Variants in NCKAP5 observed in about 807,000 individuals in gnomAD.
NCKAP5 encodes nck-associated protein 5.
Under a neutral mutation model 167.0 loss-of-function variants are expected in NCKAP5, and 92 were observed. The observed-to-expected ratio is 0.55, with a 90% CI of 0.47 to 0.66. NCKAP5 has a LOEUF of 0.66. Ranked by LOEUF, NCKAP5 falls within the 30% of genes least tolerant of loss-of-function variation. The probability of loss-of-function intolerance (pLI) is 0.00; values close to 1 mark genes in which losing one functional copy is unlikely to be tolerated. For synonymous variants in NCKAP5, 891 were observed against 877.4 expected (o/e 1.02, Z -0.27); for missense variants, 2,378 against 2,315.0 (o/e 1.03, Z -0.56).
intron 7 of NCKAP5, among the ~76,000 whole-genome samples, chr2:132,979,529 C>T (rs1209911245): frequency 6.6e-6 from 1 of 152,154 alleles, no homozygotes; most frequent in Non-Finnish European, 1.5e-5. Flanking sequence ...GGGAACTCCT[C>T]AGAGCCCCGA....
At chr2:133,098,094 A>G (rs1301817824) in intron 6 of NCKAP5, among the ~76,000 whole-genome samples, 1 of 152,230 alleles carries the variant, frequency 6.6e-6, no homozygotes, top group Non-Finnish European at 1.5e-5. Context: ...ATAAAATTTT[A>G]AGAAAGGCAC....
At chr2:133,577,330 G>A in the NCKAP5 span, among the ~76,000 whole-genome samples, 2 of 152,110 alleles carry the variant, frequency 1.3e-5, no homozygotes, top group South Asian at 2.1e-4. Context: ...TAATACACAT[G>A]AATACAAAAG....
At chr2:133,494,976 C>T (rs1681808099) in intron 3 of NCKAP5, among the ~76,000 whole-genome samples, 1 of 152,134 alleles carries the variant, frequency 6.6e-6, no homozygotes, top group Non-Finnish European at 1.5e-5. Flanking sequence ...TACCTGGAAG[C>T]TTCATCTGCA....
At chr2:133,261,199 A>C (rs1055873483) in intron 4 of NCKAP5, among the ~76,000 whole-genome samples, 4 of 151,924 alleles carry the variant, frequency 2.6e-5, no homozygotes, top group African/African-American at 9.7e-5. Flanking sequence ...GGGGATCAAG[A>C]GATTGTTGAA....
chr2:133,641,695 AG>A, the NCKAP5 span, among the ~76,000 whole-genome samples: 1 of 152,236 alleles, frequency 6.6e-6, no homozygotes. Context: ...TGGTTCATCC[AG>A]TTTAACCAGT....
At chr2:133,654,377 C>CAAATAAATAAATAAAT in the NCKAP5 span, among the ~76,000 whole-genome samples, 14 of 146,680 alleles carry the variant, frequency 9.5e-5, no homozygotes, top group South Asian at 2.2e-4. Flanking sequence ...GACTCTATCT[C>CAAATAAATAAATAAAT]AAATAAATAA....
At chr2:133,646,597 A>C in the NCKAP5 span, among the ~76,000 whole-genome samples, 1 of 152,198 alleles carries the variant, frequency 6.6e-6, no homozygotes, top group Admixed American at 6.5e-5. Flanking sequence ...TGCTAAAGCG[A>C]GCTTTTCAGG....
intron 4 of NCKAP5, among the ~76,000 whole-genome samples, chr2:133,228,514 C>T (rs1482696968): frequency 2.6e-5 from 4 of 152,184 alleles, no homozygotes; most frequent in Non-Finnish European, 4.4e-5. Context: ...CTTCATTCTT[C>T]CCTCTACAAC....
intron 8 of NCKAP5, among the ~76,000 whole-genome samples, chr2:132,922,358 G>A (rs947728013): frequency 6.6e-6 from 1 of 152,192 alleles, no homozygotes; most frequent in Non-Finnish European, 1.5e-5. Flanking sequence ...AAAGTTAAGA[G>A]CCAGGCTTTT....
At chr2:132,846,355 G>C (rs1351461784) in intron 11 of NCKAP5, among the ~76,000 whole-genome samples, 1 of 151,954 alleles carries the variant, frequency 6.6e-6, no homozygotes, top group African/African-American at 2.4e-5. Context: ...GTCTCACTCT[G>C]TCACCTTGGC....
the NCKAP5 span, among the ~76,000 whole-genome samples, chr2:133,641,516 C>A: frequency 6.6e-6 from 1 of 152,212 alleles, no homozygotes; most frequent in African/African-American, 2.4e-5. Flanking sequence ...TCTGGAGCAG[C>A]CCAGAGTCAG....
intron 6 of NCKAP5, among the ~76,000 whole-genome samples, chr2:133,115,198 T>C (rs1035069892): frequency 4.6e-5 from 7 of 152,224 alleles, no homozygotes; most frequent in African/African-American, 1.7e-4. Context: ...TTTAATACAC[T>C]GCAGTTAGTA....
chr2:133,553,458 G>T (rs149602473), intron 2 of NCKAP5, among the ~76,000 whole-genome samples: 11 of 152,318 alleles, frequency 7.2e-5, no homozygotes, highest in African/African-American at 2.4e-4. Flanking sequence ...AACCACAACT[G>T]CAGGGATTTG....
chr2:132,954,664 T>A (rs2076288181), intron 8 of NCKAP5: 1 of 454,284 alleles, frequency 2.2e-6, no homozygotes, highest in African/African-American at 2.0e-5. Context: ...CTTAACTGTA[T>A]ACAGTGATAT....
chr2:133,202,498 C>T (rs907647261), intron 5 of NCKAP5, among the ~76,000 whole-genome samples: 14 of 152,120 alleles, frequency 9.2e-5, no homozygotes, highest in African/African-American at 2.9e-4. Context: ...AGGTCTAAAA[C>T]ACCAAAAGCA....
At chr2:132,731,163 C>A (rs1231592878) in intron 17 of NCKAP5, among the ~76,000 whole-genome samples, 2 of 152,082 alleles carry the variant, frequency 1.3e-5, no homozygotes, top group Non-Finnish European at 2.9e-5. Flanking sequence ...AACTGATGAC[C>A]CTTAGCCCAG....
At chr2:133,359,276 C>G (rs1684936859) in intron 3 of NCKAP5, among the ~76,000 whole-genome samples, 1 of 152,210 alleles carries the variant, frequency 6.6e-6, no homozygotes, top group South Asian at 2.1e-4. Context: ...TTGTGCATTT[C>G]TCACGTCTTA....
intron 19 of NCKAP5, among the ~76,000 whole-genome samples, chr2:132,721,520 G>A (rs1267286396): frequency 1.3e-5 from 2 of 152,088 alleles, no homozygotes; most frequent in Non-Finnish European, 2.9e-5. Context: ...AGGCACGTGC[G>A]ACGAAAGCAA....
intron 15 of NCKAP5, among the ~76,000 whole-genome samples, chr2:132,777,848 C>T (rs370692261): frequency 2.6e-5 from 4 of 151,766 alleles, no homozygotes; most frequent in East Asian, 1.9e-4. Context: ...TATTAGCAGA[C>T]ATGATTTTTT....
Sources: allele counts gnomAD v4.1 joint callset (sites outside exome capture counted in the v4.1 genomes callset), GRCh38; gene constraint gnomAD v4.1.1; transcripts MANE v1.5; gene names NCBI Gene and HGNC (gene_info 2026-07-23, HGNC 2026-07-21).